SLC15A4: variants seen among roughly 807,000 people sequenced by gnomAD.
SLC15A4 encodes hPHT1.
In SLC15A4, 26 loss-of-function variants were observed where a neutral mutation model predicts 46.1. That is an observed-to-expected ratio of 0.56 (90% confidence interval 0.41 to 0.78). The LOEUF (loss-of-function observed/expected upper bound fraction) is 0.78. Ranked by LOEUF, SLC15A4 falls within the 30% of genes least tolerant of loss-of-function variation. The pLI, the probability that SLC15A4 is intolerant of heterozygous loss-of-function variation, is 0.00. For synonymous variants in SLC15A4, 370 were observed against 333.4 expected, an observed-to-expected ratio of 1.11 and a Z score of -1.20; for missense variants, 751 against 755.7, an observed-to-expected ratio of 0.99 and a Z score of 0.07.
At chr12:128,794,718 C>T (rs1387138313) in intron 7 of SLC15A4, among the ~76,000 whole-genome samples, 2 of 152,178 alleles carry the variant, frequency 1.3e-5, no homozygotes, top group East Asian at 1.9e-4. Flanking sequence ...GACACACATG[C>T]GGTGGTGAAG....
chr12:128,798,271 CAGG>C (rs1384801005), intron 7 of SLC15A4, among the ~76,000 whole-genome samples: 1 of 152,222 alleles, frequency 6.6e-6, no homozygotes, highest in Non-Finnish European at 1.5e-5. Context: ...TGTTCATCTT[CAGG>C]AGAAGGTGGG....
At chr12:128,809,185 G>C (rs1566051550) in intron 4 of SLC15A4, 1 of 594,624 alleles carries the variant, frequency 1.7e-6, no homozygotes, top group African/African-American at 1.9e-5. Context: ...AAAATACTAA[G>C]TAATGTTGAA....
chr12:128,809,138 T>C, intron 4 of SLC15A4, 182 bp from the exon 5 acceptor site: 1 of 647,752 alleles, frequency 1.5e-6, no homozygotes, highest in Admixed American at 3.4e-5. Context: ...AATCTGCATT[T>C]GCTTTTCTGT....
chr12:128,810,165 A>C, intron 2 of SLC15A4, 54 bp from the exon 3 acceptor site: 1 of 1,574,120 alleles, frequency 6.4e-7, no homozygotes, highest in Non-Finnish European at 8.7e-7. Context: ...GCAATCAATT[A>C]TTTGGTCACA....
At chr12:128,819,918 A>C (rs575853156) in intron 1 of SLC15A4, 129 of 152,432 alleles carry the variant, frequency 8.5e-4, no homozygotes, top group African/African-American at 3.1e-3. Flanking sequence ...CAGGGCCCCA[A>C]ACCAGCTCCC....
chr12:128,793,908 T>TA lies in SLC15A4; in HGVS notation c.*287dup. On this transcript the variant is annotated 3_prime_UTR_variant, in exon 8 of 8. Coordinates refer to ENST00000266771, the MANE Select transcript of SLC15A4 (RefSeq NM_145648.4). The stretch of plus-strand genomic sequence containing the variant: ...TGCAATCTCCATTTGTGAGTTTCTG[T>TA]AAAAAAGGGAACCCAGCTAGAGGAT... 1 of 267,680 alleles carries TA rather than the reference T, an allele frequency of 3.7e-6. No individual in the cohort carries two copies. The highest frequency in any genetic ancestry group is 7.0e-6 in the Non-Finnish European group (1 of 143,640). The allele number at this position is 267,680 out of a possible 1,614,324, so 16.6% of individuals were successfully genotyped here.
intron 7 of SLC15A4, 98 bp downstream of exon 7, chr12:128,799,161 T>C: frequency 1.5e-6 from 2 of 1,374,416 alleles, no homozygotes; most frequent in Non-Finnish European, 2.0e-6. Context: ...GGACAGGCCA[T>C]CCACGTGAAA....
At chr12:128,820,528 C>A (rs916769204) in intron 1 of SLC15A4, among the ~76,000 whole-genome samples, 1 of 152,224 alleles carries the variant, frequency 6.6e-6, no homozygotes, top group Non-Finnish European at 1.5e-5. Flanking sequence ...AGTGAAAGCT[C>A]ACATTCAAAG....
chr12:128,813,074 C>T (rs1050857147), intron 2 of SLC15A4: 5 of 152,152 alleles, frequency 3.3e-5, no homozygotes, highest in Non-Finnish European at 5.9e-5. Flanking sequence ...CACACGGATA[C>T]TAAAACTTTA....
chr12:128,812,001 T>G (rs749675271), intron 2 of SLC15A4, among the ~76,000 whole-genome samples: 3 of 152,126 alleles, frequency 2.0e-5, no homozygotes, highest in Non-Finnish European at 4.4e-5. Context: ...GAGCTCCAGT[T>G]TCAGGACGCC....
intron 1 of SLC15A4, among the ~76,000 whole-genome samples, chr12:128,818,480 G>A (rs748189938): frequency 4.6e-5 from 7 of 152,192 alleles, no homozygotes; most frequent in Non-Finnish European, 1.0e-4. Context: ...GGGCACAACA[G>A]AGTGTACTTC....
intron 1 of SLC15A4, among the ~76,000 whole-genome samples, chr12:128,822,045 C>T (rs912930921): frequency 6.6e-6 from 1 of 152,238 alleles, no homozygotes; most frequent in African/African-American, 2.4e-5. Flanking sequence ...TCGACTGTAT[C>T]CCCAACGCTT....
chr12:128,818,922 T>C (rs1022264476), intron 1 of SLC15A4, among the ~76,000 whole-genome samples: 3 of 152,206 alleles, frequency 2.0e-5, no homozygotes, highest in Non-Finnish European at 2.9e-5. Flanking sequence ...GGCTCATCAG[T>C]ACTTCATTTC....
chr12:128,817,198 T>C (rs1955766668), intron 1 of SLC15A4, among the ~76,000 whole-genome samples: 2 of 152,162 alleles, frequency 1.3e-5, no homozygotes, highest in South Asian at 4.1e-4. Context: ...TGCAGACATC[T>C]CTACTGAATA....
intron 2 of SLC15A4, among the ~76,000 whole-genome samples, chr12:128,811,420 A>G (rs1451683367): frequency 6.6e-6 from 1 of 152,250 alleles, no homozygotes; most frequent in African/African-American, 2.4e-5. Flanking sequence ...TGAATATTTT[A>G]GCCAAATTTT....
intron 7 of SLC15A4, among the ~76,000 whole-genome samples, chr12:128,796,464 A>T (rs1313621952): frequency 1.4e-5 from 2 of 141,680 alleles, no homozygotes; most frequent in African/African-American, 5.1e-5. Flanking sequence ...AAAAACCCAC[A>T]CATCTGTATG....
At position 128,799,328 on chromosome 12, in the gene SLC15A4, C is replaced by T. The variant is rs773837932; in HGVS notation, c.1504G>A (p.Val502Met). 5.6e-6 allele frequency: 9 copies of T among 1,614,006 alleles called. No individual in the cohort carries two copies. Among genetic ancestry groups the T allele is most frequent in the East Asian group, 2.2e-5 (1 of 44,904 alleles). ...FFFFSGVGSF[V>M]GSGLLALVSI... The stretch of plus-strand genomic sequence containing the variant: ...ACCAGTGCCAGCAGTCCAGAACCCA[C>T]GAACGACCCGACGCCAGAGAAGAAA... The change falls in exon 7 of 8, where the codon GTG (valine) becomes ATG (methionine). Residue 502 changes from valine (V) to methionine (M), a missense_variant. By Grantham distance (21) the Val-to-Met change is conservative (BLOSUM62 1). Transcript: ENST00000266771.
rs1034458854 is a variant in SLC15A4, at chr12:128,793,966, C to T, written c.*230G>A. Reference sequence around the variant, plus strand: ...GACCTTGAATGACAAGCGACATACTCGAAATCTGCAGCTCTCCTCCCGGAG... The same window carrying T: ...GACCTTGAATGACAAGCGACATACTTGAAATCTGCAGCTCTCCTCCCGGAG... On this transcript the variant is annotated 3_prime_UTR_variant, in exon 8 of 8. Transcript: ENST00000266771. 2.9e-5 allele frequency: 11 copies of T among 384,536 alleles called. 1 individual carries two copies. The highest frequency in any genetic ancestry group is 1.0e-4 in the African/African-American group (5 of 48,700). The allele number at this position is 384,536 out of a possible 1,614,324, so 23.8% of individuals were successfully genotyped here.
chr12:128,797,503 T>C (rs993741592), intron 7 of SLC15A4, among the ~76,000 whole-genome samples: 24 of 152,198 alleles, frequency 1.6e-4, no homozygotes, highest in African/African-American at 5.3e-4. Context: ...ACCTTTACTA[T>C]GGTATGCACG....
Sources: gnomAD v4.1 joint callset for allele counts (sites outside exome capture counted in the v4.1 genomes callset) on GRCh38, gnomAD v4.1.1 for gene constraint, MANE v1.5 for transcripts, NCBI Gene and HGNC (gene_info 2026-07-23, HGNC 2026-07-21) for gene names.